PRICKLE2: variants seen among roughly 807,000 people sequenced by gnomAD.
PRICKLE2 encodes prickle-like protein 2.
PRICKLE2 carries 21 observed loss-of-function variants against 81.4 expected under a neutral mutation model. That is an observed-to-expected ratio of 0.26 (90% CI 0.18 to 0.37). PRICKLE2 has a LOEUF of 0.37. PRICKLE2 is among the 10% of genes least tolerant of loss of function. The pLI, the probability that PRICKLE2 is intolerant of heterozygous loss-of-function variation, is 1.00. For synonymous variants in PRICKLE2, 456 were observed against 421.5 expected, an observed-to-expected ratio of 1.08 and a Z score of -1.00; for missense variants, 940 against 1,109.0, an observed-to-expected ratio of 0.85 and a Z score of 2.16.
chr3:64,122,078 G>C (rs2077036834), intron 7 of PRICKLE2, among the ~76,000 whole-genome samples: 1 of 152,138 alleles, frequency 6.6e-6, no homozygotes, highest in African/African-American at 2.4e-5. Flanking sequence ...ATCTAGCAAA[G>C]TAAGTTTTCA....
chr3:64,180,556 A>G (rs1449888692), intron 2 of PRICKLE2, among the ~76,000 whole-genome samples: 1 of 150,054 alleles, frequency 6.7e-6, no homozygotes, highest in South Asian at 2.1e-4. Flanking sequence ...TTTTTTTAAT[A>G]AAGTCTCACT....
chr3:64,239,322 G>A (rs775444470), intron 2 of PRICKLE2, among the ~76,000 whole-genome samples: 15 of 152,260 alleles, frequency 9.9e-5, no homozygotes, highest in Middle Eastern at 3.4e-3. Flanking sequence ...TGTTAGGAGC[G>A]TGGCCAAAAC....
chr3:64,232,555 GGCTCTTTTGCTGGCTCATGCTCAT>G, intron 2 of PRICKLE2, among the ~76,000 whole-genome samples: 3 of 26,282 alleles, frequency 1.1e-4, no homozygotes, highest in Non-Finnish European at 8.8e-4. Context: ...CTCCTTCTCA[GGCTCTTTTGCTGGCTCATGCTCAT>G]CTCCTTCAGA....
intron 2 of PRICKLE2, among the ~76,000 whole-genome samples, chr3:64,197,409 C>G (rs1379193250): frequency 8.5e-5 from 13 of 152,164 alleles, no homozygotes; most frequent in Admixed American, 8.5e-4. Context: ...AGTATCTGTT[C>G]ATGACCTTTG....
chr3:64,201,624 A>G (rs976832400), intron 1 of PRICKLE2, among the ~76,000 whole-genome samples: 2 of 152,088 alleles, frequency 1.3e-5, no homozygotes, highest in African/African-American at 2.4e-5. Context: ...CTTTCTTCAC[A>G]TATTTTCTGG....
intron 2 of PRICKLE2, among the ~76,000 whole-genome samples, chr3:64,245,926 C>A (rs1441013271): frequency 6.6e-6 from 1 of 152,078 alleles, no homozygotes; most frequent in African/African-American, 2.4e-5. Flanking sequence ...GAGACTTTTC[C>A]TATCGGTTTG....
chr3:64,259,353 A>T (rs1344935101), intron 2 of PRICKLE2, among the ~76,000 whole-genome samples: 1 of 152,176 alleles, frequency 6.6e-6, no homozygotes, highest in Non-Finnish European at 1.5e-5. Context: ...ATACAGGTAT[A>T]TCCCACTAAC....
intron 7 of PRICKLE2, among the ~76,000 whole-genome samples, chr3:64,113,838 C>G (rs1465417322): frequency 6.6e-6 from 1 of 152,198 alleles, no homozygotes; most frequent in African/African-American, 2.4e-5. Flanking sequence ...AGCCAGCACC[C>G]TGCCCCAAGC....
At chr3:64,173,460 TA>T (rs1254952218) in intron 2 of PRICKLE2, among the ~76,000 whole-genome samples, 1 of 152,098 alleles carries the variant, frequency 6.6e-6, no homozygotes, top group Non-Finnish European at 1.5e-5. Flanking sequence ...TTATCATCTT[TA>T]AAAAATATAA....
At chr3:64,191,272 T>A (rs1016011404) in intron 2 of PRICKLE2, among the ~76,000 whole-genome samples, 2 of 152,216 alleles carry the variant, frequency 1.3e-5, no homozygotes, top group Non-Finnish European at 2.9e-5. Flanking sequence ...TCTGCTCCTC[T>A]TTGAGCTGAC....
chr3:64,154,454 G>A (rs1253204616), intron 5 of PRICKLE2: 1 of 152,134 alleles, frequency 6.6e-6, no homozygotes, highest in Non-Finnish European at 1.5e-5. Context: ...GCTGAGGCAG[G>A]AGAATGGCGT....
intron 7 of PRICKLE2, among the ~76,000 whole-genome samples, chr3:64,125,952 C>CTTT (rs201865721): frequency 1.3e-5 from 2 of 149,034 alleles, no homozygotes; most frequent in African/African-American, 4.9e-5. Flanking sequence ...TATCATGAGT[C>CTTT]TTTTTTTTTT....
intron 1 of PRICKLE2, among the ~76,000 whole-genome samples, chr3:64,210,030 A>G (rs1421028327): frequency 6.6e-6 from 1 of 152,120 alleles, no homozygotes; most frequent in Non-Finnish European, 1.5e-5. Context: ...AGAAGGTGAT[A>G]TTGTGGCCTC....
At chr3:64,241,399 C>A (rs1170929907) in intron 2 of PRICKLE2, among the ~76,000 whole-genome samples, 2 of 152,208 alleles carry the variant, frequency 1.3e-5, no homozygotes, top group African/African-American at 4.8e-5. Context: ...TATTATCCTG[C>A]TCGTTTCTCT....
At chr3:64,132,072 C>A (rs914069680) in intron 7 of PRICKLE2, among the ~76,000 whole-genome samples, 5 of 152,204 alleles carry the variant, frequency 3.3e-5, no homozygotes, top group African/African-American at 9.7e-5. Flanking sequence ...ATAAGATAAC[C>A]TTCTTCCTTG....
intron 7 of PRICKLE2, among the ~76,000 whole-genome samples, chr3:64,104,027 A>G (rs1302055497): frequency 6.6e-6 from 1 of 152,226 alleles, no homozygotes; most frequent in Admixed American, 6.5e-5. Context: ...ATGTTTGTTA[A>G]AGGGTCAAAT....
intron 7 of PRICKLE2, among the ~76,000 whole-genome samples, chr3:64,119,484 A>G (rs994171462): frequency 6.6e-6 from 1 of 152,224 alleles, no homozygotes; most frequent in Non-Finnish European, 1.5e-5. Context: ...CATCACAGAA[A>G]TGCAAGTCAA....
At chr3:64,141,909 C>T (rs2077368073) in intron 7 of PRICKLE2, 1 of 984,944 alleles carries the variant, frequency 1.0e-6, no homozygotes, top group African/African-American at 1.7e-5. Context: ...AAGGTGCTTT[C>T]ACTAAGCCTT....
At chr3:64,135,003 A>T (rs2077256049) in intron 7 of PRICKLE2, among the ~76,000 whole-genome samples, 1 of 152,126 alleles carries the variant, frequency 6.6e-6, no homozygotes, top group Non-Finnish European at 1.5e-5. Context: ...TGAGCTGCTC[A>T]CTCCTAGGCA....
Sources: allele counts gnomAD v4.1 joint callset (sites outside exome capture counted in the v4.1 genomes callset), GRCh38; gene constraint gnomAD v4.1.1; transcripts MANE v1.5; gene names NCBI Gene and HGNC (gene_info 2026-07-23, HGNC 2026-07-21).